Variants in DBP observed in about 807,000 individuals in gnomAD.
DBP encodes D-box binding PAR bZIP transcription factor.
DBP carries 12 observed loss-of-function variants against 21.4 expected under a neutral mutation model. That is an observed-to-expected ratio of 0.56 (90% CI 0.36 to 0.91). The LOEUF (loss-of-function observed/expected upper bound fraction) is 0.91, where lower values mean the gene tolerates loss of function less well. DBP is among the 40% of genes least tolerant of loss of function. The pLI, the probability that DBP is intolerant of heterozygous loss-of-function variation, is 0.01. For missense variants in DBP, 423 were observed against 473.4 expected (o/e 0.89, Z 0.99); for synonymous variants, 213 against 224.9 (o/e 0.95, Z 0.47).
chr19:48,631,160 G>T, intron 3 of DBP, 108 bp from the exon 4 acceptor site: 1 of 961,964 alleles, frequency 1.0e-6, no homozygotes, highest in East Asian at 2.6e-5. Context: ...GTCTCTGCTG[G>T]GATAGGTACC....
chr19:48,635,893 C>T lies in DBP; in HGVS notation c.237G>A (p.Gly79=). Residue 79 remains glycine, a synonymous_variant, in exon 2 of 4, where the codon GGG becomes GGA. Coordinates refer to ENST00000222122, the MANE Select transcript of DBP (RefSeq NM_001352.5). ...ETAGPADAPA[G]AVVGGGSPRG... ...GCGGGGACCCTCCGCCCACCACTGC[C>T]CCAGCCGGGGCATCCGCCGGGCCCG... The T allele has an allele frequency of 7.0e-7, 1 of 1,418,542 alleles. No individual in the cohort carries two copies. The highest frequency in any genetic ancestry group is 1.5e-5 in the African/African-American group (1 of 66,394). 87.9% of individuals were successfully genotyped at this position (1,418,542 alleles called of 1,614,324 possible). A position where few individuals can be genotyped will look rare whatever the true frequency, so the allele number is the denominator to read the frequency against.
In DBP at chr19:48,630,854, G is replaced by T. The variant is rs867441530; in HGVS notation, c.961C>A (p.Gln321Lys). The change falls in exon 4 of 4, where the codon CAG becomes AAG. Residue 321 changes from glutamine (Q) to lysine (K), a missense_variant. Coordinates refer to ENST00000222122, the MANE Select transcript of DBP (RefSeq NM_001352.5). The surrounding 1 kb of genome is among the most constrained non-coding windows in gnomAD (Gnocchi z 4.9). The part of the protein sequence containing the change: ...YRAVLSRYQA[Q>K]HGAL ...GGGCAGCCTCACAGGGCCCCGTGCT[G>T]GGCCTGGTATCGGGACAGCACGGCG... 6.2e-7 allele frequency: 1 copy of T among 1,600,614 alleles called. No individual in the cohort carries two copies. Among genetic ancestry groups the T allele is most frequent in the East Asian group, 2.3e-5 (1 of 44,354 alleles).
In DBP at chr19:48,630,981, G is replaced by A. The variant is rs1289476817; in HGVS notation, c.834C>T (p.Leu278=). The A allele has an allele frequency of 6.2e-7, 1 of 1,613,610 alleles. No homozygotes were observed. Among genetic ancestry groups the A allele is most frequent in the Non-Finnish European group, 8.5e-7 (1 of 1,179,960 alleles). Residue 278 remains leucine (L), a synonymous_variant, in exon 4 of 4, where the codon CTC becomes CTT. Transcript: ENST00000222122. This position sits in a 1 kb window ranked among gnomAD's most constrained non-coding sequence, Gnocchi z 4.9. The stretch of plus-strand genomic sequence containing the variant: ...CCCGCACCGATATCTGGTTCTCCTT[G>A]AGCCGCCGGGCGTCACGGGACCGCT... The part of the protein sequence containing the change: ...AAKRSRDARR[L]KENQISVRAA...
intron 1 of DBP, 118 bp downstream of exon 1, chr19:48,636,737 AT>A (rs1262389286): frequency 1.6e-6 from 2 of 1,261,388 alleles, no homozygotes; most frequent in Admixed American, 4.8e-5. Context: ...AATTGAGTAG[AT>A]TAAGGTTGGG....
Position 48,637,304 on chromosome 19 carries a change from T to A in DBP, c.-310A>T. The A allele has an allele frequency of 3.1e-6, 1 of 324,674 alleles. No individual in the cohort carries two copies. 20.1% of individuals were successfully genotyped at this position (324,674 alleles called of 1,614,324 possible). A position where few individuals can be genotyped will look rare whatever the true frequency, so the allele number is the denominator to read the frequency against. On this transcript the variant is annotated 5_prime_UTR_variant, in exon 1 of 4. Coordinates refer to ENST00000222122, the MANE Select transcript of DBP (RefSeq NM_001352.5). The stretch of plus-strand genomic sequence containing the variant: ...GACTCAAGGCGCTCCTTCTACAAGG[T>A]GGGCGAGCCTGGCTCTTGCAAAATC...
At chr19:48,636,746 G>T in intron 1 of DBP, 110 bp downstream of exon 1, 1 of 1,311,408 alleles carries the variant, frequency 7.6e-7, no homozygotes, top group Non-Finnish European at 1.1e-6. Flanking sequence ...GATTAAGGTT[G>T]GGAAGATGGA....
chr19:48,633,312 G>A, intron 3 of DBP, 132 bp downstream of exon 3: 1 of 958,380 alleles, frequency 1.0e-6, no homozygotes, highest in South Asian at 1.4e-5. Context: ...GGACTAATCT[G>A]TGGCTGCAGG....
intron 3 of DBP, chr19:48,631,785 C>T (rs573077823): frequency 5.9e-5 from 9 of 152,252 alleles, no homozygotes; most frequent in African/African-American, 2.2e-4. Flanking sequence ...CCAAGGACCA[C>T]GGGGCTCAGA....
At chr19:48,635,245 C>G in intron 2 of DBP, 1 of 1,171,204 alleles carries the variant, frequency 8.5e-7, no homozygotes, top group Non-Finnish European at 1.1e-6. Flanking sequence ...AGTCCACTCC[C>G]CAGTAAATAA....
At position 48,630,546 on chromosome 19, in the gene DBP, C is replaced by T; in HGVS notation, c.*291G>A. On this transcript the variant is annotated 3_prime_UTR_variant, in exon 4 of 4. Coordinates refer to ENST00000222122, the MANE Select transcript of DBP (RefSeq NM_001352.5). The surrounding 1 kb of genome is among the most constrained non-coding windows in gnomAD (Gnocchi z 4.9). ...TATGCCAGGGAGCTGCCCTCTTCTTCCACAACAGCTGGCTCTGGGGTTCTC... is the reference window on the plus strand; with the variant it reads ...TATGCCAGGGAGCTGCCCTCTTCTTTCACAACAGCTGGCTCTGGGGTTCTC... The T allele has an allele frequency of 6.5e-7, 1 of 1,535,364 alleles. No individual in the cohort carries two copies. The highest frequency in any genetic ancestry group is 8.7e-7 in the Non-Finnish European group (1 of 1,146,588).
At chr19:48,633,916 A>G in intron 2 of DBP, 1 of 497,390 alleles carries the variant, frequency 2.0e-6, no homozygotes, top group Non-Finnish European at 3.6e-6. Flanking sequence ...CATGGCCAAC[A>G]TGGAGAAACC....
Position 48,630,783 on chromosome 19 carries a change from G to A in DBP, c.*54C>T. The A allele has an allele frequency of 6.6e-7, 1 of 1,525,134 alleles. No homozygotes were observed. The highest frequency in any genetic ancestry group is 8.9e-7 in the Non-Finnish European group (1 of 1,129,062). 94.5% of individuals were successfully genotyped at this position (1,525,134 alleles called of 1,614,324 possible). Reference sequence around the variant, plus strand: ...CCACAGGGCAGGAAGGGAACAGGGCGTAAGTCTCAGCAAGGCGGAGGAGAG... The same window carrying A: ...CCACAGGGCAGGAAGGGAACAGGGCATAAGTCTCAGCAAGGCGGAGGAGAG... On this transcript the variant is annotated 3_prime_UTR_variant, in exon 4 of 4. Transcript: ENST00000222122. This position sits in a 1 kb window ranked among gnomAD's most constrained non-coding sequence, Gnocchi z 4.9.
chr19:48,635,454 G>A (rs1426876013), intron 2 of DBP, 126 bp downstream of exon 2: 7 of 1,476,732 alleles, frequency 4.7e-6, no homozygotes, highest in African/African-American at 1.4e-5. Flanking sequence ...GACACCTCTC[G>A]ACAACTGGAC....
rs759207806 is a variant in DBP, at chr19:48,633,388, C to T, written c.762+56G>A. The T allele has an allele frequency of 9.0e-6, 14 of 1,549,216 alleles. No individual in the cohort carries two copies. The South Asian group carries it at 1.3e-4, about 15-fold the overall frequency. On this transcript the variant is annotated intron_variant, in intron 3 of 3. Transcript: ENST00000222122. Reference sequence around the variant, plus strand: ...CTTGACTGTGAGAAAAGGCCCCTCCCTGGCTGTGGGGCATGTCTCCAGCCA... The same window carrying T: ...CTTGACTGTGAGAAAAGGCCCCTCCTTGGCTGTGGGGCATGTCTCCAGCCA...
In DBP at chr19:48,635,367, G is replaced by A. The variant is rs1383724098; in HGVS notation, c.550+213C>T. On this transcript the variant is annotated intron_variant, in intron 2 of 3. Coordinates refer to ENST00000222122, the MANE Select transcript of DBP (RefSeq NM_001352.5). The stretch of plus-strand genomic sequence containing the variant: ...ATTGGGCAGGCTTCCTGGAATTTAG[G>A]GTTCCAAGTCTCTCCTCCCCCATGG... The A allele has an allele frequency of 5.1e-6, 7 of 1,371,932 alleles. No homozygotes were observed. The Admixed American group carries it at 1.2e-4, about 24-fold the overall frequency. The allele number at this position is 1,371,932 out of a possible 1,614,324, so 85.0% of individuals were successfully genotyped here.
At position 48,633,495 on chromosome 19, in the gene DBP, G is replaced by A. The variant is rs1223577182; in HGVS notation, c.711C>T (p.Pro237=). The A allele has an allele frequency of 6.2e-7, 1 of 1,614,130 alleles. No homozygotes were observed. Among genetic ancestry groups the A allele is most frequent in the Non-Finnish European group, 8.5e-7 (1 of 1,180,034 alleles). Residue 237 remains proline, a synonymous_variant, in exon 3 of 4, where the codon CCC becomes CCT. Transcript: ENST00000222122. ...RHRFSEEELK[P]QPIMKKARKI... ...TTCTTGCCTTCTTCATGATTGGCTG[G>A]GGCTTAAGTTCCTCTTCTGAGAAGC...
At chr19:48,633,776 G>T in intron 2 of DBP, 121 bp from the exon 3 acceptor site, 1 of 843,614 alleles carries the variant, frequency 1.2e-6, no homozygotes, top group Non-Finnish European at 1.9e-6. Context: ...CATAAATTCG[G>T]CCAGGGATTA....
intron 2 of DBP, 127 bp from the exon 3 acceptor site, chr19:48,633,782 G>A (rs1013420623): frequency 6.5e-6 from 5 of 774,638 alleles, no homozygotes; most frequent in South Asian, 1.6e-5. Context: ...TTCGGCCAGG[G>A]ATTAATCTCC....
chr19:48,636,830 T>G, intron 1 of DBP, 26 bp downstream of exon 1: 1 of 1,609,574 alleles, frequency 6.2e-7, no homozygotes, highest in Non-Finnish European at 8.5e-7. Flanking sequence ...GTGTCCGAAG[T>G]GGGTGAGATG....
Sources: allele counts gnomAD v4.1 joint callset, GRCh38; gene constraint gnomAD v4.1.1; non-coding constraint Gnocchi (gnomAD v3.1); transcripts MANE v1.5; gene names NCBI Gene and HGNC (gene_info 2026-07-23, HGNC 2026-07-21).